Variants in EYS observed in about 807,000 individuals in gnomAD.
The protein encoded by EYS is EGF-like photoreceptor maintenance factor, also known as protein eyes shut homolog.
A neutral mutation model predicts 282.1 loss-of-function variants in EYS; 250 were observed. The ratio of observed to expected loss-of-function variants is 0.89; its 90% CI spans 0.80 to 0.98. The LOEUF (loss-of-function observed/expected upper bound fraction) is 0.98. Among genes scored for constraint, EYS ranks in the 50% least tolerant of loss-of-function variants. The pLI is 0.00. For missense variants in EYS, 4,016 were observed against 3,709.0 expected (o/e 1.08, Z -2.15); for synonymous variants, 1,355 against 1,282.9 (o/e 1.06, Z -1.20).
At chr6:64,997,796 A>C in intron 13 of EYS, 93 bp from the exon 14 acceptor site, 1 of 1,160,648 alleles carries the variant, frequency 8.6e-7, no homozygotes, top group Non-Finnish European at 1.2e-6. Flanking sequence ...TCATTTATGT[A>C]GTTCACTTTT....
chr6:64,412,478 G>T (rs1057085485), intron 28 of EYS, among the ~76,000 whole-genome samples: 50 of 152,084 alleles, frequency 3.3e-4, no homozygotes, highest in Non-Finnish European at 4.1e-4. Context: ...ATTGGGGTTG[G>T]TAGAGATATA....
chr6:64,804,492 T>C (rs763262368), intron 22 of EYS, among the ~76,000 whole-genome samples: 30 of 152,298 alleles, frequency 2.0e-4, no homozygotes, highest in Non-Finnish European at 3.2e-4. Flanking sequence ...AAACAAACTA[T>C]CATAAATCCA....
chr6:63,861,800 C>T (rs1772537588), intron 36 of EYS, among the ~76,000 whole-genome samples: 1 of 152,172 alleles, frequency 6.6e-6, no homozygotes, highest in South Asian at 2.1e-4. Flanking sequence ...AGTGAGACTG[C>T]TGTCTATGAG....
At chr6:64,737,855 T>C (rs1772232902) in intron 22 of EYS, among the ~76,000 whole-genome samples, 1 of 152,226 alleles carries the variant, frequency 6.6e-6, no homozygotes, top group Non-Finnish European at 1.5e-5. Context: ...AGTTTCCATT[T>C]GAGCAATACT....
At chr6:65,263,757 A>G (rs1245270022) in intron 12 of EYS, among the ~76,000 whole-genome samples, 5 of 147,712 alleles carry the variant, frequency 3.4e-5, no homozygotes, top group Non-Finnish European at 6.0e-5. Flanking sequence ...AAATTAAATA[A>G]AAAACAATTG....
intron 12 of EYS, among the ~76,000 whole-genome samples, chr6:65,181,501 T>G (rs12215638): frequency 0.043 from 6,460 of 151,934 alleles, 197 homozygotes; most frequent in Middle Eastern, 0.065. Context: ...ATCAAAACCA[T>G]AATGAGATAT....
At chr6:65,577,936 C>T (rs1764733081) in intron 2 of EYS, among the ~76,000 whole-genome samples, 1 of 151,102 alleles carries the variant, frequency 6.6e-6, no homozygotes, top group Non-Finnish European at 1.5e-5. Context: ...AAGATAACTG[C>T]TGGAGAGGAT....
At chr6:64,741,407 A>G (rs184780376) in intron 22 of EYS, among the ~76,000 whole-genome samples, 158 of 152,284 alleles carry the variant, frequency 1.0e-3, no homozygotes, top group Admixed American at 2.4e-3. Flanking sequence ...TAGATTTAAC[A>G]TAATTCTTAA....
At chr6:64,459,405 G>A (rs775757623) in intron 26 of EYS, among the ~76,000 whole-genome samples, 7 of 152,124 alleles carry the variant, frequency 4.6e-5, no homozygotes, top group Admixed American at 1.3e-4. Context: ...TATTAGTGTT[G>A]TCTAAAGAGA....
intron 14 of EYS, among the ~76,000 whole-genome samples, chr6:64,983,121 A>T (rs758270389): frequency 6.6e-6 from 1 of 151,266 alleles, no homozygotes; most frequent in African/African-American, 2.4e-5. Context: ...AAAAAGATAA[A>T]GCGTTCATAT....
chr6:63,850,802 A>C (rs1772226784), intron 36 of EYS, among the ~76,000 whole-genome samples: 1 of 152,254 alleles, frequency 6.6e-6, no homozygotes, highest in Non-Finnish European at 1.5e-5. Context: ...TCATAATGAC[A>C]AGATCAAATT....
intron 40 of EYS, among the ~76,000 whole-genome samples, chr6:63,764,710 A>G (rs1582184844): frequency 6.6e-6 from 1 of 152,046 alleles, no homozygotes; most frequent in South Asian, 2.1e-4. Flanking sequence ...AAGTAGATAA[A>G]TCACATTAAG....
intron 33 of EYS, among the ~76,000 whole-genome samples, chr6:64,051,554 A>T (rs1452314266): frequency 6.6e-6 from 1 of 152,142 alleles, no homozygotes; most frequent in Non-Finnish European, 1.5e-5. Context: ...GTGATTTTAG[A>T]TAAATCCCAT....
In EYS at chr6:65,616,024, CAA is replaced by C. The variant is rs544296170; in HGVS notation, c.-333+23752_-333+23753del. Among the ~76,000 whole-genome samples, 1,059 of 151,684 alleles carry C rather than the reference CAA, an allele frequency of 7.0e-3. 6 individuals are homozygous for C. Among genetic ancestry groups the C allele is most frequent in the Non-Finnish European group, 0.011 (763 of 67,916 alleles). On this transcript the variant is annotated intron_variant, in intron 2 of 42. Transcript: ENST00000503581. ...TGAACTTCTTGACACAAAATTGTATCAAGAGTTAGAAGAACATGTTAATGCAT... is the reference window on the plus strand; with the variant it reads ...TGAACTTCTTGACACAAAATTGTATCGAGTTAGAAGAACATGTTAATGCAT...
chr6:64,278,572 CTAAAA>C, intron 30 of EYS, among the ~76,000 whole-genome samples: 1 of 152,230 alleles, frequency 6.6e-6, no homozygotes, highest in Non-Finnish European at 1.5e-5. Flanking sequence ...AAACACACTA[CTAAAA>C]TATTTCACTG....
intron 11 of EYS, among the ~76,000 whole-genome samples, chr6:65,326,294 G>A (rs896598832): frequency 7.9e-5 from 12 of 151,616 alleles, no homozygotes; most frequent in African/African-American, 1.2e-4. Flanking sequence ...TTTAGAAAGC[G>A]ATAGATTTAT....
At chr6:63,738,934 G>C (rs1769001702) in intron 41 of EYS, among the ~76,000 whole-genome samples, 1 of 152,050 alleles carries the variant, frequency 6.6e-6, no homozygotes, top group Non-Finnish European at 1.5e-5. Flanking sequence ...GGAGATCGTT[G>C]CTACATACTG....
Position 64,085,315 on chromosome 6 carries a change from CGCGCGCGCGT to C in EYS, c.6425-3323_6425-3314del, listed in dbSNP as rs1772108240. Among the ~76,000 whole-genome samples, 3 of 137,818 alleles carry C rather than the reference CGCGCGCGCGT, an allele frequency of 2.2e-5. No individual in the cohort carries two copies. The South Asian group carries it at 6.7e-4, about 31-fold the overall frequency. The allele number at this position is 137,818 out of a possible 152,430, so 90.4% of individuals were successfully genotyped here. A position where few individuals can be genotyped will look rare whatever the true frequency, so the allele number is the denominator to read the frequency against. On this transcript the variant is annotated intron_variant, in intron 31 of 42. Coordinates refer to ENST00000503581, the MANE Select transcript of EYS (RefSeq NM_001142800.2). ...CTCTCCCCCTCCTTCTCCTTCCAGACGCGCGCGCGTGCGCACGTGCGCGCGCACACACACA... is the reference window on the plus strand; with the variant it reads ...CTCTCCCCCTCCTTCTCCTTCCAGACGCGCACGTGCGCGCGCACACACACA...
intron 29 of EYS, among the ~76,000 whole-genome samples, chr6:64,367,839 A>G (rs1772228756): frequency 6.6e-6 from 1 of 152,006 alleles, no homozygotes; most frequent in African/African-American, 2.4e-5. Flanking sequence ...ATCTTGTGCC[A>G]CTCATCTTGA....
Sources: allele counts gnomAD v4.1 joint callset (sites outside exome capture counted in the v4.1 genomes callset), GRCh38; gene constraint gnomAD v4.1.1; transcripts MANE v1.5; gene names NCBI Gene and HGNC (gene_info 2026-07-23, HGNC 2026-07-21).